The following GALK2 variants were observed in gnomAD, a reference collection of about 807,000 sequenced individuals.
GALK2 encodes the protein galactokinase 2.
Under a neutral mutation model 52.4 loss-of-function variants are expected in GALK2, and 36 were observed. The ratio of observed to expected loss-of-function variants is 0.69; its 90% CI spans 0.53 to 0.91. The LOEUF is 0.91. Among genes scored for constraint, GALK2 ranks in the 40% least tolerant of loss-of-function variants. The probability of loss-of-function intolerance (pLI) is 0.00; values close to 1 mark genes in which losing one functional copy is unlikely to be tolerated. For synonymous variants in GALK2, 176 were observed against 199.1 expected (o/e 0.88, Z 0.98); for missense variants, 579 against 559.1 (o/e 1.04, Z -0.36).
At chr15:49,249,417 G>A (rs1023176158) in intron 5 of GALK2, among the ~76,000 whole-genome samples, 5 of 152,154 alleles carry the variant, frequency 3.3e-5, no homozygotes, top group East Asian at 1.9e-4. Context: ...TAAAATAAGG[G>A]TGAGAATAGT....
At chr15:49,299,909 A>G (rs1961393) in intron 8 of GALK2, among the ~76,000 whole-genome samples, 37,986 of 151,274 alleles carry the variant, frequency 0.25, 5,938 homozygotes, top group Non-Finnish European at 0.35. Flanking sequence ...AGATGAGAAG[A>G]ATGTATATTC....
At chr15:49,205,785 C>G (rs1310138700) in intron 2 of GALK2, among the ~76,000 whole-genome samples, 1 of 152,080 alleles carries the variant, frequency 6.6e-6, no homozygotes, top group Non-Finnish European at 1.5e-5. Context: ...CTTTTGGGTT[C>G]TTGGTCATGA....
chr15:49,192,883 C>T (rs995241601), intron 1 of GALK2, among the ~76,000 whole-genome samples: 5 of 152,040 alleles, frequency 3.3e-5, no homozygotes, highest in Non-Finnish European at 5.9e-5. Flanking sequence ...CTCCTGGCCT[C>T]AAGCAATCCT....
At chr15:49,335,257 A>G (rs1386341109), downstream of GALK2, among the ~76,000 whole-genome samples, 2 of 152,120 alleles carry the variant, frequency 1.3e-5, no homozygotes, top group East Asian at 1.9e-4. Context: ...TGGTTACAAC[A>G]TACACCCTTG....
downstream of GALK2, chr15:49,332,026 TAA>T: frequency 1.7e-6 from 1 of 583,738 alleles, no homozygotes; most frequent in South Asian, 2.1e-5. Context: ...TCCTATTTTA[TAA>T]ATGAGGAAAC....
intron 3 of GALK2, among the ~76,000 whole-genome samples, chr15:49,351,362 G>A (rs778469188): frequency 2.6e-5 from 4 of 152,076 alleles, no homozygotes; most frequent in African/African-American, 7.2e-5. Context: ...AAGAAGATAC[G>A]GCCAATTCCG....
chr15:49,332,233 A>T (rs997894576), downstream of GALK2, among the ~76,000 whole-genome samples: 27 of 152,130 alleles, frequency 1.8e-4, no homozygotes, highest in African/African-American at 6.3e-4. Context: ...CATCCTCTTC[A>T]GTTAGATGGT....
At chr15:49,356,184 A>G (rs548057877) in intron 3 of GALK2, among the ~76,000 whole-genome samples, 23 of 152,310 alleles carry the variant, frequency 1.5e-4, no homozygotes, top group African/African-American at 5.3e-4. Flanking sequence ...TGCATCAACT[A>G]ACGAGCAAAA....
chr15:49,361,293 A>C (rs1004660221), intron 3 of GALK2, among the ~76,000 whole-genome samples: 7 of 152,134 alleles, frequency 4.6e-5, no homozygotes, highest in Non-Finnish European at 1.0e-4. Context: ...GAGGTTTGTT[A>C]CATAGGTAAA....
chr15:49,254,671 A>T (rs1397350953), intron 5 of GALK2, among the ~76,000 whole-genome samples: 1 of 144,382 alleles, frequency 6.9e-6, no homozygotes, highest in African/African-American at 2.5e-5. Flanking sequence ...GAAGAAATTT[A>T]TTGGAAAAAT....
At chr15:49,224,826 G>A (rs1039523539) in intron 3 of GALK2, among the ~76,000 whole-genome samples, 91 of 152,292 alleles carry the variant, frequency 6.0e-4, no homozygotes, top group African/African-American at 2.1e-3. Context: ...TCTGAGAGAA[G>A]TGGTGTTCTT....
At chr15:49,241,722 T>A (rs960930478) in intron 5 of GALK2, among the ~76,000 whole-genome samples, 2 of 152,204 alleles carry the variant, frequency 1.3e-5, no homozygotes, top group African/African-American at 2.4e-5. Flanking sequence ...AGGAATTCAT[T>A]TCACTTTTAA....
intron 3 of GALK2, among the ~76,000 whole-genome samples, chr15:49,234,853 A>G (rs2090709003): frequency 6.6e-6 from 1 of 150,556 alleles, no homozygotes; most frequent in Non-Finnish European, 1.5e-5. Flanking sequence ...TGCAACCTCT[A>G]CCTCCCGGGT....
chr15:49,184,801 T>C (rs1484015474), intron 1 of GALK2, among the ~76,000 whole-genome samples: 1 of 152,220 alleles, frequency 6.6e-6, no homozygotes, highest in East Asian at 1.9e-4. Context: ...TTTTTATTCA[T>C]ATCTTATTGT....
At chr15:49,235,500 G>A (rs1376259332) in intron 3 of GALK2, 1 of 394,378 alleles carries the variant, frequency 2.5e-6, no homozygotes. Context: ...CAGTTTGGGG[G>A]TGTGCCAAAC....
At chr15:49,264,358 G>A (rs868540255) in intron 5 of GALK2, among the ~76,000 whole-genome samples, 12 of 151,934 alleles carry the variant, frequency 7.9e-5, no homozygotes, top group Non-Finnish European at 7.4e-5. Context: ...CCAGTTGATC[G>A]CATCGGCTCC....
At chr15:49,316,488 A>T (rs993501996) in intron 8 of GALK2, among the ~76,000 whole-genome samples, 1 of 151,452 alleles carries the variant, frequency 6.6e-6, no homozygotes, top group African/African-American at 2.4e-5. Flanking sequence ...GGGGGGAGGG[A>T]TAGCATTAGG....
At chr15:49,185,816 T>C (rs1281686711) in intron 1 of GALK2, 1 of 152,252 alleles carries the variant, frequency 6.6e-6, no homozygotes, top group Non-Finnish European at 1.5e-5. Flanking sequence ...TAGCAGTTTT[T>C]GTCTGTCTCA....
At chr15:49,173,250 T>G (rs947547717) in intron 1 of GALK2, among the ~76,000 whole-genome samples, 2 of 152,218 alleles carry the variant, frequency 1.3e-5, no homozygotes, top group African/African-American at 2.4e-5. Flanking sequence ...TATCAGTATA[T>G]CATTCCTTTT....
Sources: gnomAD v4.1 joint callset for allele counts (sites outside exome capture counted in the v4.1 genomes callset) on GRCh38, gnomAD v4.1.1 for gene constraint, MANE v1.5 for transcripts, NCBI Gene and HGNC (gene_info 2026-07-23, HGNC 2026-07-21) for gene names.